The following CDH13 variants were observed in gnomAD, a reference collection of about 807,000 sequenced individuals.
The protein encoded by CDH13 is cadherin 13, also known as cadherin-13.
CDH13 carries 24 observed loss-of-function variants against 63.8 expected under a neutral mutation model. The ratio of observed to expected loss-of-function variants is 0.38; its 90% confidence interval spans 0.27 to 0.53. The LOEUF (loss-of-function observed/expected upper bound fraction) is 0.53, where lower values mean the gene tolerates loss of function less well. Among genes scored for constraint, CDH13 ranks in the 20% least tolerant of loss-of-function variants. The pLI, the probability that CDH13 is intolerant of heterozygous loss-of-function variation, is 0.85. For missense variants in CDH13, 1,049 were observed against 903.1 expected, an observed-to-expected ratio of 1.16 and a Z score of -2.07; for synonymous variants, 503 against 355.3, an observed-to-expected ratio of 1.42 and a Z score of -4.67.
rs192386645 is a variant in CDH13, at chr16:83,090,342, G to A, written c.367-35043G>A. 7.2e-5 allele frequency among the ~76,000 whole-genome samples: 11 copies of A among 152,176 alleles called. No individual in the cohort carries two copies. The East Asian group carries it at 7.8e-4, about 11-fold the overall frequency. On this transcript the variant is annotated intron_variant, in intron 3 of 13. Transcript: ENST00000567109. Reference sequence around the variant, plus strand: ...TGTAATCCCAGCACTTTGGGAGGCCGAGGCGGGCAGATCATGAGGTCAGGA... The same window carrying A: ...TGTAATCCCAGCACTTTGGGAGGCCAAGGCGGGCAGATCATGAGGTCAGGA...
chr16:82,902,982 A>C (rs888914555), intron 2 of CDH13, among the ~76,000 whole-genome samples: 13 of 152,308 alleles, frequency 8.5e-5, no homozygotes, highest in Non-Finnish European at 1.8e-4. Flanking sequence ...ATGGCTAGCA[A>C]CTGTTGACTC....
At chr16:83,214,864 G>A (rs1016803302) in intron 4 of CDH13, among the ~76,000 whole-genome samples, 2 of 151,826 alleles carry the variant, frequency 1.3e-5, no homozygotes, top group Non-Finnish European at 2.9e-5. Context: ...GGGAAAGCTA[G>A]GATTGCAACA....
chr16:83,392,964 G>C (rs567894973), intron 6 of CDH13, among the ~76,000 whole-genome samples: 1 of 152,152 alleles, frequency 6.6e-6, no homozygotes, highest in South Asian at 2.1e-4. Context: ...AGAGGCCCAG[G>C]GGAGGGCATA....
At chr16:82,992,018 A>T (rs1052218294) in intron 2 of CDH13, among the ~76,000 whole-genome samples, 2 of 152,224 alleles carry the variant, frequency 1.3e-5, no homozygotes, top group Admixed American at 1.3e-4. Context: ...AGCAAATTAT[A>T]TAATAAAAGT....
At chr16:82,824,319 A>C (rs2038140432) in intron 1 of CDH13, 3 of 152,172 alleles carry the variant, frequency 2.0e-5, no homozygotes, top group African/African-American at 4.8e-5. Flanking sequence ...GGAAAAAAAA[A>C]CATAAACAAC....
intron 6 of CDH13, among the ~76,000 whole-genome samples, chr16:83,356,882 C>A (rs902829608): frequency 6.6e-6 from 1 of 152,012 alleles, no homozygotes; most frequent in African/African-American, 2.4e-5. Context: ...AGTATAGTAC[C>A]CAAGCTATTT....
chr16:83,059,799 T>TTG (rs1555573126), intron 3 of CDH13, among the ~76,000 whole-genome samples: 1 of 146,792 alleles, frequency 6.8e-6, no homozygotes, highest in African/African-American at 2.5e-5. Flanking sequence ...GTTTGTTTTT[T>TTG]TTTTTTTTTT....
chr16:82,940,510 G>C (rs1294976856), intron 2 of CDH13, among the ~76,000 whole-genome samples: 1 of 152,126 alleles, frequency 6.6e-6, no homozygotes, highest in Non-Finnish European at 1.5e-5. Flanking sequence ...TTGATGCCTT[G>C]TTCCATAGTT....
intron 2 of CDH13, among the ~76,000 whole-genome samples, chr16:82,964,721 C>T (rs1383299532): frequency 6.6e-6 from 1 of 152,150 alleles, no homozygotes; most frequent in Non-Finnish European, 1.5e-5. Context: ...AGAAGCTGTG[C>T]ATTTTAAAAA....
intron 7 of CDH13, among the ~76,000 whole-genome samples, chr16:83,571,180 A>G (rs1477681150): frequency 2.0e-5 from 3 of 151,964 alleles, no homozygotes; most frequent in African/African-American, 7.3e-5. Context: ...TCCCAGTGGA[A>G]ATCTTCACCC....
chr16:83,263,820 G>T (rs1301945965), intron 5 of CDH13, among the ~76,000 whole-genome samples: 1 of 152,012 alleles, frequency 6.6e-6, no homozygotes, highest in Non-Finnish European at 1.5e-5. Flanking sequence ...CTGCCCATGT[G>T]TACTACAGGT....
intron 3 of CDH13, among the ~76,000 whole-genome samples, chr16:83,079,077 G>A (rs926163458): frequency 1.3e-5 from 2 of 152,168 alleles, no homozygotes; most frequent in Admixed American, 6.5e-5. Flanking sequence ...TTACAGGTGT[G>A]AGCCATTGTG....
At chr16:82,980,606 C>T (rs555472649) in intron 2 of CDH13, among the ~76,000 whole-genome samples, 2 of 152,246 alleles carry the variant, frequency 1.3e-5, no homozygotes, top group South Asian at 4.2e-4. Context: ...TCAATCCTCC[C>T]AACAATCTAG....
intron 3 of CDH13, among the ~76,000 whole-genome samples, chr16:83,038,826 C>A (rs986567865): frequency 2.6e-5 from 4 of 152,204 alleles, no homozygotes; most frequent in African/African-American, 9.7e-5. Context: ...AGTAAAAACA[C>A]CATACTTACT....
At chr16:83,713,703 G>A (rs920008639) in intron 10 of CDH13, among the ~76,000 whole-genome samples, 4 of 152,158 alleles carry the variant, frequency 2.6e-5, no homozygotes, top group South Asian at 2.1e-4. Flanking sequence ...AAGGGTGGAT[G>A]TGGTTTTAAC....
intron 7 of CDH13, among the ~76,000 whole-genome samples, chr16:83,570,600 A>G (rs1433747036): frequency 2.0e-5 from 3 of 151,664 alleles, no homozygotes; most frequent in Admixed American, 1.3e-4. Flanking sequence ...TCACTGGAAA[A>G]GACGGCTGGG....
intron 3 of CDH13, among the ~76,000 whole-genome samples, chr16:83,060,326 T>A (rs2031412696): frequency 1.3e-5 from 2 of 152,200 alleles, no homozygotes; most frequent in South Asian, 4.1e-4. Flanking sequence ...TGTTGATAAA[T>A]GCGTAGGTCT....
chr16:83,299,400 T>C (rs16960194), intron 5 of CDH13, among the ~76,000 whole-genome samples: 3,943 of 152,294 alleles, frequency 0.026, 115 homozygotes, highest in African/African-American at 0.061. Context: ...TCAGTAGGTT[T>C]GGACTCCTCA....
rs541034054 is a variant in CDH13 at position 82,858,795 on chromosome 16, C to T, written c.157+322C>T. Reference sequence around the variant, plus strand: ...GAAATTCATTTCCCCTGGGCAGATCCCCAAAATCAAAATCATTGCCTTCTC... The same window carrying T: ...GAAATTCATTTCCCCTGGGCAGATCTCCAAAATCAAAATCATTGCCTTCTC... On this transcript the variant is annotated intron_variant, in intron 2 of 13. Coordinates refer to ENST00000567109, the MANE Select transcript of CDH13 (RefSeq NM_001257.5). 1.1e-3 allele frequency: 425 copies of T among 391,932 alleles called. 1 individual carries two copies. Among genetic ancestry groups the T allele is most frequent in the Middle Eastern group, 3.3e-3 (5 of 1,502 alleles). 24.3% of individuals were successfully genotyped at this position (391,932 alleles called of 1,614,324 possible). A position where few individuals can be genotyped will look rare whatever the true frequency, so the allele number is the denominator to read the frequency against.
Sources: gnomAD v4.1 joint callset for allele counts (sites outside exome capture counted in the v4.1 genomes callset) on GRCh38, gnomAD v4.1.1 for gene constraint, MANE v1.5 for transcripts, NCBI Gene and HGNC (gene_info 2026-07-23, HGNC 2026-07-21) for gene names.